Variants in TUB observed in about 807,000 individuals in gnomAD.
The protein encoded by TUB is tubby protein homolog.
A neutral mutation model predicts 59.7 loss-of-function variants in TUB; 33 were observed. The observed-to-expected ratio is 0.55, with a 90% CI of 0.42 to 0.74. TUB has a LOEUF of 0.74. TUB is among the 30% of genes least tolerant of loss of function. The pLI, the probability that TUB is intolerant of heterozygous loss-of-function variation, is 0.00. For synonymous variants in TUB, 293 were observed against 256.4 expected, an observed-to-expected ratio of 1.14 and a Z score of -1.36; for missense variants, 659 against 672.0, an observed-to-expected ratio of 0.98 and a Z score of 0.21.
intron 2 of TUB, among the ~76,000 whole-genome samples, chr11:8,070,579 T>C (rs968144040): frequency 6.6e-5 from 10 of 152,284 alleles, no homozygotes; most frequent in Middle Eastern, 3.4e-3. Flanking sequence ...AAACCATGAG[T>C]CCTTTCTAAC....
chr11:8,101,081 A>G (rs1944278015), intron 11 of TUB, 84 bp downstream of exon 11: 18 of 1,485,880 alleles, frequency 1.2e-5, no homozygotes, highest in Middle Eastern at 3.5e-4. Flanking sequence ...AGCCCTGCCT[A>G]CACTGGCTAG....
intron 5 of TUB, 29 bp downstream of exon 5, chr11:8,095,694 C>G (rs575462658): frequency 1.9e-6 from 3 of 1,561,354 alleles, no homozygotes; most frequent in East Asian, 4.8e-5. Flanking sequence ...CAGTGATACC[C>G]CCAAAACTCA....
At chr11:8,049,694 G>A (rs567668534) in intron 2 of TUB, among the ~76,000 whole-genome samples, 5 of 151,516 alleles carry the variant, frequency 3.3e-5, no homozygotes, top group Middle Eastern at 3.4e-3. Context: ...AATAACATAT[G>A]TATGTAATCA....
intron 1 of TUB, among the ~76,000 whole-genome samples, chr11:8,024,077 C>T (rs1942468428): frequency 6.6e-6 from 1 of 152,236 alleles, no homozygotes; most frequent in Non-Finnish European, 1.5e-5. Flanking sequence ...GTTCCTTATA[C>T]ATTACTCCTG....
rs915379652 is a variant in TUB, at chr11:8,097,220, C to T, written c.688-8C>T. On this transcript the variant is annotated splice_polypyrimidine_tract_variant and splice_region_variant and intron_variant, in intron 6 of 11. Coordinates refer to ENST00000299506, the MANE Select transcript of TUB (RefSeq NM_177972.3). ...TGGGGCTCAGGCACCTATTCTGCAT[C>T]CCCATAGGAGGCAGCCTCAGCCCCT... is the stretch of plus-strand genomic sequence containing the variant. 1 of 1,613,818 alleles carries T rather than the reference C, an allele frequency of 6.2e-7. No homozygotes were observed. The highest frequency in any genetic ancestry group is 1.1e-5 in the South Asian group (1 of 91,062).
chr11:8,101,043 G>C (rs374748783), intron 11 of TUB, 46 bp downstream of exon 11: 1 of 1,607,868 alleles, frequency 6.2e-7, no homozygotes, highest in African/African-American at 1.3e-5. Context: ...GGATACCCAA[G>C]GCCCTTAGCG....
rs1376708915 is a variant in TUB, at chr11:8,102,598, T to C, written c.*979T>C. 6.6e-6 allele frequency: 1 copy of C among 151,866 alleles called. No homozygotes were observed. Among genetic ancestry groups the C allele is most frequent in the Non-Finnish European group, 1.5e-5 (1 of 68,020 alleles). The allele number at this position is 151,866 out of a possible 1,614,324, so 9.4% of individuals were successfully genotyped here. A position where few individuals can be genotyped will look rare whatever the true frequency, so the allele number is the denominator to read the frequency against. On this transcript the variant is annotated 3_prime_UTR_variant, in exon 12 of 12. Coordinates refer to ENST00000299506, the MANE Select transcript of TUB (RefSeq NM_177972.3). The stretch of plus-strand genomic sequence containing the variant: ...GCCATGGCATGCTCCTTGAAGAATC[T>C]CTCCTCTCTCTCTCTCTCTGGAAAG...
chr11:8,056,705 G>A (rs1475358741), intron 2 of TUB, among the ~76,000 whole-genome samples: 1 of 152,094 alleles, frequency 6.6e-6, no homozygotes, highest in Non-Finnish European at 1.5e-5. Context: ...TGGAGTGTCT[G>A]AGGTGATGTG....
intron 9 of TUB, 55 bp downstream of exon 9, chr11:8,098,930 C>G: frequency 7.7e-7 from 1 of 1,293,664 alleles, no homozygotes; most frequent in Non-Finnish European, 1.1e-6. Flanking sequence ...AAATCCAGGA[C>G]TTGATGCCTG....
At chr11:8,096,603 A>G in intron 5 of TUB, 82 bp from the exon 6 acceptor site, 1 of 931,426 alleles carries the variant, frequency 1.1e-6, no homozygotes, top group Admixed American at 1.7e-5. Context: ...CAGTGTCTGA[A>G]CATGAGTATG....
At chr11:8,019,266 GC>G in exon 1 of TUB, 1 of 1,247,660 alleles carries the variant, frequency 8.0e-7, no homozygotes, top group Non-Finnish European at 1.0e-6. Flanking sequence ...CAGCGCCGCC[GC>G]CGCCCGCGGA....
chr11:8,060,035 T>C (rs1943092694), intron 2 of TUB: 2 of 152,522 alleles, frequency 1.3e-5, no homozygotes, highest in Non-Finnish European at 1.5e-5. Flanking sequence ...GGCAGGACTA[T>C]GCACATTGCC....
At chr11:8,095,695 C>T in intron 5 of TUB, 30 bp downstream of exon 5, 1 of 1,560,330 alleles carries the variant, frequency 6.4e-7, no homozygotes, top group Non-Finnish European at 8.7e-7. Flanking sequence ...AGTGATACCC[C>T]CAAAACTCAG....
intron 2 of TUB, among the ~76,000 whole-genome samples, chr11:8,040,320 TGTGTACA>T (rs1942727009): frequency 6.6e-6 from 1 of 152,114 alleles, no homozygotes. Context: ...GGTGCTGTCT[TGTGTACA>T]GATGAGGCAA....
intron 1 of TUB, among the ~76,000 whole-genome samples, chr11:8,029,767 C>T (rs1942545518): frequency 2.0e-5 from 3 of 152,060 alleles, no homozygotes; most frequent in Admixed American, 2.0e-4. Flanking sequence ...ATAGGAAAGG[C>T]CAGGGTGGAG....
At chr11:8,057,163 G>C (rs889678776) in intron 2 of TUB, among the ~76,000 whole-genome samples, 1 of 152,124 alleles carries the variant, frequency 6.6e-6, no homozygotes, top group Non-Finnish European at 1.5e-5. Context: ...GACTCTCCTG[G>C]AACTGGCCCA....
intron 1 of TUB, among the ~76,000 whole-genome samples, chr11:8,024,594 C>A (rs575953696): frequency 6.6e-6 from 1 of 152,204 alleles, no homozygotes; most frequent in Non-Finnish European, 1.5e-5. Context: ...TTCAATCACT[C>A]CCTTGTGGGG....
chr11:8,072,240 A>G (rs1943373862), intron 2 of TUB, among the ~76,000 whole-genome samples: 1 of 152,162 alleles, frequency 6.6e-6, no homozygotes, highest in Non-Finnish European at 1.5e-5. Context: ...GAAGCCTAGA[A>G]GGAGTCTTCA....
At chr11:8,088,931 C>T (rs1943716823) in intron 1 of TUB, among the ~76,000 whole-genome samples, 1 of 152,192 alleles carries the variant, frequency 6.6e-6, no homozygotes, top group African/African-American at 2.4e-5. Context: ...CTGGGCTGTA[C>T]ATTGATGTGT....
Sources: gnomAD v4.1 joint callset for allele counts (sites outside exome capture counted in the v4.1 genomes callset) on GRCh38, gnomAD v4.1.1 for gene constraint, MANE v1.5 for transcripts, NCBI Gene and HGNC (gene_info 2026-07-23, HGNC 2026-07-21) for gene names.